LHFPL6: variants seen among roughly 807,000 people sequenced by gnomAD.
LHFPL6 encodes LHFPL tetraspan subfamily member 6 protein.
Under a neutral mutation model 20.6 loss-of-function variants are expected in LHFPL6, and 9 were observed. That is an observed-to-expected ratio of 0.44 (90% CI 0.26 to 0.76). The LOEUF (loss-of-function observed/expected upper bound fraction) is 0.76. Ranked by LOEUF, LHFPL6 falls within the 30% of genes least tolerant of loss-of-function variation. LHFPL6 has a pLI of 0.20. For synonymous variants in LHFPL6, 105 were observed against 98.7 expected (o/e 1.06, Z -0.38); for missense variants, 218 against 253.5 (o/e 0.86, Z 0.95).
rs1870354951 is a variant in LHFPL6 at position 39,378,533 on chromosome 13, A to T, written c.386-7T>A. ...CCAGCACCAATCAACAAGCCTGCAA[A>T]GAGATAAGACAAGAGGGCTTTACCA... is the stretch of plus-strand genomic sequence containing the variant. On this transcript the variant is annotated splice_polypyrimidine_tract_variant and splice_region_variant and intron_variant, in intron 2 of 3. Coordinates refer to ENST00000379589, the MANE Select transcript of LHFPL6 (RefSeq NM_005780.3). 6.2e-7 allele frequency: 1 copy of T among 1,610,898 alleles called. No individual in the cohort carries two copies. Among genetic ancestry groups the T allele is most frequent in the Non-Finnish European group, 8.5e-7 (1 of 1,177,326 alleles).
At chr13:39,594,698 C>A (rs1872716344) in intron 2 of LHFPL6, among the ~76,000 whole-genome samples, 2 of 152,114 alleles carry the variant, frequency 1.3e-5, no homozygotes, top group Admixed American at 1.3e-4. Flanking sequence ...TTCACAAAAG[C>A]AAAGACTTGG....
At chr13:39,441,070 A>G (rs1051886145) in intron 2 of LHFPL6, among the ~76,000 whole-genome samples, 1 of 151,610 alleles carries the variant, frequency 6.6e-6, no homozygotes, top group Non-Finnish European at 1.5e-5. Flanking sequence ...TAACAGCAGC[A>G]TGAAAATGGA....
chr13:39,520,184 G>A (rs895068187), intron 2 of LHFPL6, among the ~76,000 whole-genome samples: 2 of 152,186 alleles, frequency 1.3e-5, no homozygotes, highest in Non-Finnish European at 2.9e-5. Flanking sequence ...TAGGGCAGAT[G>A]TAGACATGAA....
intron 3 of LHFPL6, among the ~76,000 whole-genome samples, chr13:39,345,822 T>C (rs1369366075): frequency 6.6e-6 from 1 of 152,200 alleles, no homozygotes; most frequent in African/African-American, 2.4e-5. Flanking sequence ...AAAAGCTTGC[T>C]ATGTAAAGGC....
rs527624048 is a variant in LHFPL6, at chr13:39,578,480, C to T, written c.385+22352G>A. On this transcript the variant is annotated intron_variant, in intron 2 of 3. Transcript: ENST00000379589. ...AGTCATTGGCATCCAAGACAGAAAA[C>T]TGCATAGAATCTGCATTGTGCCATG... Among the ~76,000 whole-genome samples the T allele has an allele frequency of 6.6e-5, 10 of 152,222 alleles. No homozygotes were observed. The East Asian group carries it at 1.9e-3, about 29-fold the overall frequency.
chr13:39,494,285 G>T (rs1488060510), intron 2 of LHFPL6, among the ~76,000 whole-genome samples: 2 of 152,236 alleles, frequency 1.3e-5, no homozygotes, highest in Non-Finnish European at 2.9e-5. Context: ...TGCCCATAAG[G>T]AAGGCACTGT....
chr13:39,560,763 C>A (rs1871453308), intron 2 of LHFPL6, among the ~76,000 whole-genome samples: 1 of 152,046 alleles, frequency 6.6e-6, no homozygotes, highest in Admixed American at 6.5e-5. Flanking sequence ...GATCCGCCCA[C>A]CTCGGCCTCC....
chr13:39,601,775 G>A (rs1023750473), intron 1 of LHFPL6, among the ~76,000 whole-genome samples: 1 of 152,128 alleles, frequency 6.6e-6, no homozygotes, highest in African/African-American at 2.4e-5. Flanking sequence ...TTTTTGGCTT[G>A]CAAGTTCATG....
At chr13:39,530,266 TA>T (rs557092704) in intron 2 of LHFPL6, among the ~76,000 whole-genome samples, 39 of 139,802 alleles carry the variant, frequency 2.8e-4, no homozygotes, top group South Asian at 4.6e-4. Context: ...AAAAAAGTAT[TA>T]AAAAAAAAAA....
chr13:39,344,858 TTATAA>T (rs1412889302), intron 3 of LHFPL6, among the ~76,000 whole-genome samples: 8 of 152,356 alleles, frequency 5.3e-5, no homozygotes, highest in African/African-American at 1.9e-4. Flanking sequence ...AGTCATATGC[TTATAA>T]TTTGGAATAA....
chr13:39,383,824 A>G (rs1870498774), intron 2 of LHFPL6, among the ~76,000 whole-genome samples: 1 of 152,240 alleles, frequency 6.6e-6, no homozygotes, highest in Non-Finnish European at 1.5e-5. Context: ...ACCTGCAGCC[A>G]GGGGCAAGCC....
intron 2 of LHFPL6, among the ~76,000 whole-genome samples, chr13:39,439,352 T>C (rs1238644321): frequency 2.0e-5 from 3 of 152,238 alleles, no homozygotes; most frequent in Admixed American, 1.3e-4. Flanking sequence ...ATCCTCATTG[T>C]ATCTAGGGAG....
rs564792599 is a variant in LHFPL6 at position 39,484,139 on chromosome 13, C to G, written c.386-105613G>C. ...GTGACAATCATTTCCAAGTTTTTCCCCAATCCTATCTTCTCCACCCGGTTT... is the reference window on the plus strand; with the variant it reads ...GTGACAATCATTTCCAAGTTTTTCCGCAATCCTATCTTCTCCACCCGGTTT... On this transcript the variant is annotated intron_variant, in intron 2 of 3. Coordinates refer to ENST00000379589, the MANE Select transcript of LHFPL6 (RefSeq NM_005780.3). Among the ~76,000 whole-genome samples the G allele has an allele frequency of 2.0e-5, 3 of 152,256 alleles. No individual in the cohort carries two copies. In the East Asian group the frequency reaches 5.8e-4, roughly 29 times the overall value.
intron 3 of LHFPL6, among the ~76,000 whole-genome samples, chr13:39,356,060 C>A (rs1869717539): frequency 6.6e-6 from 1 of 152,158 alleles, no homozygotes; most frequent in Admixed American, 6.5e-5. Flanking sequence ...CAGAATATTC[C>A]ACTTAATGCA....
Position 39,592,023 on chromosome 13 carries a change from G to A in LHFPL6, c.385+8809C>T, listed in dbSNP as rs944605307. On this transcript the variant is annotated intron_variant, in intron 2 of 3. Coordinates refer to ENST00000379589, the MANE Select transcript of LHFPL6 (RefSeq NM_005780.3). ...AGGCGGGAGAATCGCTTGAACCTAC[G>A]AGGCAGAGTTTGCAGTGAGCCGAGA... 3.3e-5 allele frequency among the ~76,000 whole-genome samples: 5 copies of A among 149,462 alleles called. No homozygotes were observed. The East Asian group carries it at 7.9e-4, about 24-fold the overall frequency.
intron 2 of LHFPL6, among the ~76,000 whole-genome samples, chr13:39,513,685 G>C (rs1869803563): frequency 6.6e-6 from 1 of 152,156 alleles, no homozygotes; most frequent in Non-Finnish European, 1.5e-5. Context: ...AGTCTATAAA[G>C]TAGGTATTAT....
At chr13:39,541,811 T>A (rs1870808482) in intron 2 of LHFPL6, among the ~76,000 whole-genome samples, 1 of 150,212 alleles carries the variant, frequency 6.7e-6, no homozygotes, top group Non-Finnish European at 1.5e-5. Context: ...ACAGGTTGGC[T>A]GGGTGCAGTG....
In LHFPL6 at chr13:39,361,163, G is replaced by A. The variant is rs553392660; in HGVS notation, c.485-17109C>T. Reference sequence around the variant, plus strand: ...GAGCCCAAATTATACAGCAGAGGATGGAAGACATTGCTAGCCATCATTATT... The same window carrying A: ...GAGCCCAAATTATACAGCAGAGGATAGAAGACATTGCTAGCCATCATTATT... On this transcript the variant is annotated intron_variant, in intron 3 of 3. Transcript: ENST00000379589. Among the ~76,000 whole-genome samples, 6 of 96,822 alleles carry A rather than the reference G, an allele frequency of 6.2e-5. 1 individual carries two copies. The highest frequency in any genetic ancestry group is 1.8e-4 in the African/African-American group (6 of 33,128). 63.5% of individuals were successfully genotyped at this position (96,822 alleles called of 152,430 possible).
At chr13:39,489,873 T>C (rs1868859823) in intron 2 of LHFPL6, among the ~76,000 whole-genome samples, 1 of 152,094 alleles carries the variant, frequency 6.6e-6, no homozygotes, top group Admixed American at 6.5e-5. Context: ...TGAATTTGAA[T>C]TTACTATACA....
Sources: gnomAD v4.1 joint callset for allele counts (sites outside exome capture counted in the v4.1 genomes callset) on GRCh38, gnomAD v4.1.1 for gene constraint, MANE v1.5 for transcripts, NCBI Gene and HGNC (gene_info 2026-07-23, HGNC 2026-07-21) for gene names.